The following ARHGAP26 variants were observed in gnomAD, a reference collection of about 807,000 sequenced individuals.
The protein encoded by ARHGAP26 is rho GTPase-activating protein 26.
ARHGAP26 carries 38 observed loss-of-function variants against 104.8 expected under a neutral mutation model. The ratio of observed to expected loss-of-function variants is 0.36; its 90% CI spans 0.28 to 0.48. The LOEUF is 0.48. Among genes scored for constraint, ARHGAP26 ranks in the 20% least tolerant of loss-of-function variants. The pLI is 0.99. For missense variants in ARHGAP26, 704 were observed against 947.9 expected, an observed-to-expected ratio of 0.74 and a Z score of 3.38; for synonymous variants, 341 against 340.0, an observed-to-expected ratio of 1.00 and a Z score of -0.03.
intron 10 of ARHGAP26, among the ~76,000 whole-genome samples, chr5:142,917,862 CT>C (rs918880977): frequency 1.6e-3 from 235 of 146,228 alleles, no homozygotes; most frequent in Middle Eastern, 3.5e-3. Flanking sequence ...AGGTGACACT[CT>C]TTTTTTTTTT....
chr5:142,772,977 C>T (rs1038585666), intron 1 of ARHGAP26: 39 of 499,946 alleles, frequency 7.8e-5, no homozygotes, highest in African/African-American at 5.9e-4. Flanking sequence ...TGGATCAGCC[C>T]TGTAATCTGG....
At chr5:143,133,802 T>C (rs528718677) in intron 18 of ARHGAP26, among the ~76,000 whole-genome samples, 165 bp from the exon 19 acceptor site, 2 of 152,238 alleles carry the variant, frequency 1.3e-5, no homozygotes, top group African/African-American at 4.8e-5. Context: ...TAATGCCATT[T>C]CCTAGAAAAG....
At chr5:142,795,043 T>A (rs1021568281) in intron 1 of ARHGAP26, among the ~76,000 whole-genome samples, 1 of 152,174 alleles carries the variant, frequency 6.6e-6, no homozygotes, top group African/African-American at 2.4e-5. Context: ...TCATATCTTC[T>A]TCTTCTTTTT....
chr5:143,141,990 A>G (rs1382768017), intron 19 of ARHGAP26, among the ~76,000 whole-genome samples: 2 of 152,140 alleles, frequency 1.3e-5, no homozygotes, highest in African/African-American at 4.8e-5. Flanking sequence ...TGCAAAGAAA[A>G]GGGTTATTAC....
At chr5:142,964,511 A>G (rs1291392019) in intron 11 of ARHGAP26, among the ~76,000 whole-genome samples, 2 of 152,060 alleles carry the variant, frequency 1.3e-5, no homozygotes, top group Non-Finnish European at 2.9e-5. Flanking sequence ...TCCTAAAGCC[A>G]CTGAGCTTAT....
chr5:143,041,871 G>C lies in ARHGAP26; in HGVS notation c.1266G>C (p.Lys422Asn). ...TGGGTGTCAACTCCAGAGTGCAGAA[G>C]TTGCTGAGTGTCCTGATGGGTGAGT... The part of the protein sequence containing the change: ...RIVGVNSRVQ[K>N]LLSVLMDPKT... Residue 422 changes from lysine to asparagine, a missense_variant, in exon 14 of 23, where the codon AAG becomes AAC. This residue lies in a region of ARHGAP26 where 287 missense variants were observed against 438.8 expected (regional missense o/e 0.65). Transcript: ENST00000645722. 6.3e-7 allele frequency: 1 copy of C among 1,596,268 alleles called. No homozygotes were observed. Among genetic ancestry groups the C allele is most frequent in the Non-Finnish European group, 8.5e-7 (1 of 1,170,920 alleles).
chr5:143,010,563 T>A (rs1778591846), intron 11 of ARHGAP26, among the ~76,000 whole-genome samples: 1 of 152,212 alleles, frequency 6.6e-6, no homozygotes, highest in African/African-American at 2.4e-5. Flanking sequence ...GCAGGATTTG[T>A]TAGCTTCATT....
chr5:142,890,150 AAATATATATATATATATATATATATATAT>A (rs1186241742), intron 5 of ARHGAP26, among the ~76,000 whole-genome samples: 6 of 70,962 alleles, frequency 8.5e-5, no homozygotes, highest in African/African-American at 3.3e-4. Context: ...AAAAAAAAAA[AAATATATATATATATATATATATATATAT>A]ATATATATAT....
chr5:142,949,232 G>GAGAGAGAGAGAGAGGA (rs11369150), intron 11 of ARHGAP26, among the ~76,000 whole-genome samples: 1 of 27,324 alleles, frequency 3.7e-5, no homozygotes, highest in African/African-American at 3.1e-4. Context: ...GAGAGAGAGA[G>GAGAGAGAGAGAGAGGA]GAGAGAGAGA....
At chr5:142,961,735 C>T (rs953084229) in intron 11 of ARHGAP26, among the ~76,000 whole-genome samples, 2 of 152,072 alleles carry the variant, frequency 1.3e-5, no homozygotes, top group Non-Finnish European at 2.9e-5. Context: ...AGCCATTCTC[C>T]CACAAGGAAA....
At chr5:142,977,188 C>T (rs138815313) in intron 11 of ARHGAP26, among the ~76,000 whole-genome samples, 279 of 152,262 alleles carry the variant, frequency 1.8e-3, no homozygotes, top group African/African-American at 6.6e-3. Context: ...AACAGATGTT[C>T]CTCATAATGA....
chr5:143,070,295 G>C (rs951635237), intron 17 of ARHGAP26, among the ~76,000 whole-genome samples: 16 of 152,174 alleles, frequency 1.1e-4, no homozygotes, highest in African/African-American at 3.9e-4. Context: ...AATGTTGTCT[G>C]TCCTACAAGG....
chr5:142,806,082 A>G (rs1270249574), intron 1 of ARHGAP26, among the ~76,000 whole-genome samples: 4 of 152,062 alleles, frequency 2.6e-5, no homozygotes, highest in Non-Finnish European at 5.9e-5. Context: ...ACTGTTTTGG[A>G]ATAATGAAGA....
At chr5:143,058,439 T>A in intron 17 of ARHGAP26, among the ~76,000 whole-genome samples, 1 of 152,276 alleles carries the variant, frequency 6.6e-6, no homozygotes, top group East Asian at 1.9e-4. Context: ...TATTTACTGT[T>A]CCTTGACCCT....
chr5:142,826,992 T>C (rs147823864), intron 1 of ARHGAP26, among the ~76,000 whole-genome samples: 13 of 152,322 alleles, frequency 8.5e-5, no homozygotes, highest in Admixed American at 6.5e-4. Flanking sequence ...ATTTTCTTTC[T>C]TTGTGTCACT....
intron 1 of ARHGAP26, among the ~76,000 whole-genome samples, chr5:142,778,524 C>T (rs1463752800): frequency 6.6e-6 from 1 of 152,122 alleles, no homozygotes; most frequent in Non-Finnish European, 1.5e-5. Context: ...TCTTGAAGAC[C>T]TTCCATGTCA....
intron 17 of ARHGAP26, among the ~76,000 whole-genome samples, chr5:143,094,914 T>A (rs1792086354): frequency 1.3e-5 from 2 of 152,078 alleles, no homozygotes; most frequent in African/African-American, 4.8e-5. Flanking sequence ...CAAAAAAGGT[T>A]GCTTTAAGAG....
chr5:142,858,149 C>T (rs1340400818), intron 1 of ARHGAP26, among the ~76,000 whole-genome samples: 1 of 151,518 alleles, frequency 6.6e-6, no homozygotes, highest in Non-Finnish European at 1.5e-5. Context: ...CATGCTTTCC[C>T]TCAAGTGATA....
chr5:143,093,987 C>A (rs1159208738), intron 17 of ARHGAP26, among the ~76,000 whole-genome samples: 1 of 152,050 alleles, frequency 6.6e-6, no homozygotes, highest in East Asian at 1.9e-4. Flanking sequence ...AAGTTCAACG[C>A]CCCCCCATGG....
Sources: allele counts gnomAD v4.1 joint callset (sites outside exome capture counted in the v4.1 genomes callset), GRCh38; gene constraint gnomAD v4.1.1; regional missense constraint gnomAD v4.1.1; transcripts MANE v1.5; gene names NCBI Gene and HGNC (gene_info 2026-07-23, HGNC 2026-07-21).